Variants in KIF2A observed in about 807,000 individuals in gnomAD.
The protein encoded by KIF2A is kinesin-like protein KIF2A.
In KIF2A, 22 loss-of-function variants were observed where a neutral mutation model predicts 100.2. The observed-to-expected ratio is 0.22, with a 90% confidence interval of 0.16 to 0.31. The LOEUF (loss-of-function observed/expected upper bound fraction) is 0.31, where lower values mean the gene tolerates loss of function less well. Among genes scored for constraint, KIF2A ranks in the 10% least tolerant of loss-of-function variants. The probability of loss-of-function intolerance (pLI) is 1.00; values close to 1 mark genes in which losing one functional copy is unlikely to be tolerated. For missense variants in KIF2A, 495 were observed against 898.7 expected (o/e 0.55, Z 5.74); for synonymous variants, 268 against 285.9 (o/e 0.94, Z 0.63).
chr5:62,355,274 A>T lies in KIF2A; in HGVS notation c.654+20A>T, dbSNP rs1056247264. 2 of 1,223,366 alleles carry T rather than the reference A, an allele frequency of 1.6e-6. No homozygotes were observed. The highest frequency in any genetic ancestry group is 3.8e-5 in the Admixed American group (2 of 52,368). The allele number at this position is 1,223,366 out of a possible 1,614,324, so 75.8% of individuals were successfully genotyped here. On this transcript the variant is annotated intron_variant, in intron 7 of 20. Transcript: ENST00000407818. The stretch of plus-strand genomic sequence containing the variant: ...GATCCTGTAAGATTCTTTGTAAACC[A>T]TTATTCTGGAACTTTTTATGCTTCA...
At chr5:62,326,228 A>G (rs181352009) in intron 1 of KIF2A, among the ~76,000 whole-genome samples, 3 of 152,308 alleles carry the variant, frequency 2.0e-5, no homozygotes, top group Admixed American at 6.5e-5. Context: ...TAAACTTACC[A>G]AAAACAGAAT....
chr5:62,317,895 CTT>C (rs935526869), intron 1 of KIF2A, among the ~76,000 whole-genome samples: 5 of 151,834 alleles, frequency 3.3e-5, no homozygotes, highest in African/African-American at 1.2e-4. Flanking sequence ...TCTCCAGTCT[CTT>C]TTGCTATTGC....
chr5:62,318,693 C>G (rs1745954387), intron 1 of KIF2A, among the ~76,000 whole-genome samples: 1 of 152,092 alleles, frequency 6.6e-6, no homozygotes, highest in Non-Finnish European at 1.5e-5. Context: ...TCCCCATTCT[C>G]TTTAAGTATT....
intron 1 of KIF2A, among the ~76,000 whole-genome samples, chr5:62,339,842 A>T (rs1747193196): frequency 6.6e-6 from 1 of 151,216 alleles, no homozygotes; most frequent in Admixed American, 6.6e-5. Flanking sequence ...AACTGTTTAG[A>T]TTTCTGTGTG....
rs1742175465 is a variant in KIF2A, at chr5:62,389,167, ACCCAC to A, written c.*3599_*3603del. 1.2e-6 allele frequency: 1 copy of A among 862,672 alleles called. No homozygotes were observed. Among genetic ancestry groups the A allele is most frequent in the Admixed American group, 2.8e-5 (1 of 35,432 alleles). 53.4% of individuals were successfully genotyped at this position (862,672 alleles called of 1,614,324 possible). On this transcript the variant is annotated 3_prime_UTR_variant, in exon 21 of 21. Transcript: ENST00000407818. ...TGAATACAGCATGCTTACAGAGCCC[ACCCAC>A]TCCTAATACTAGTTATTAAAGAAAC... is the stretch of plus-strand genomic sequence containing the variant.
intron 17 of KIF2A, among the ~76,000 whole-genome samples, chr5:62,373,383 A>T (rs1169519825): frequency 3.3e-5 from 5 of 151,746 alleles, no homozygotes; most frequent in Non-Finnish European, 5.9e-5. Flanking sequence ...AATTTAAAAA[A>T]TTTTTTAAAT....
At chr5:62,333,905 G>T (rs1238997433) in intron 1 of KIF2A, among the ~76,000 whole-genome samples, 1 of 152,084 alleles carries the variant, frequency 6.6e-6, no homozygotes, top group African/African-American at 2.4e-5. Flanking sequence ...AACATTTCAG[G>T]TTGGTAAAAT....
chr5:62,362,976 A>G (rs1203678724), intron 12 of KIF2A, among the ~76,000 whole-genome samples: 1 of 152,140 alleles, frequency 6.6e-6, no homozygotes, highest in East Asian at 1.9e-4. Context: ...ATAGGCATGC[A>G]CCACCATGCC....
At position 62,389,705 on chromosome 5, in the gene KIF2A, T is replaced by G. The variant is rs1173358923; in HGVS notation, c.*4136T>G. 6.6e-6 allele frequency among the ~76,000 whole-genome samples: 1 copy of G among 152,100 alleles called. No homozygotes were observed. Among genetic ancestry groups the G allele is most frequent in the Non-Finnish European group, 1.5e-5 (1 of 68,016 alleles). On this transcript the variant is annotated 3_prime_UTR_variant, in exon 21 of 21. Coordinates refer to ENST00000407818, the MANE Select transcript of KIF2A (RefSeq NM_001098511.3). ...CTGTTTGGAATTGGCAGAAGTCAGA[T>G]GAAAAACCAATCTTACATGCCCCTT...
At chr5:62,324,142 G>A (rs1262571785) in intron 1 of KIF2A, among the ~76,000 whole-genome samples, 2 of 152,042 alleles carry the variant, frequency 1.3e-5, no homozygotes, top group African/African-American at 2.4e-5. Context: ...AAATACCTAG[G>A]AATACAGCTA....
At chr5:62,358,972 C>G (rs1034702352) in intron 9 of KIF2A, among the ~76,000 whole-genome samples, 1 of 152,156 alleles carries the variant, frequency 6.6e-6, no homozygotes, top group African/African-American at 2.4e-5. Context: ...TTATGCCTGG[C>G]CAAAATACCT....
chr5:62,306,398 ACCCCGCCCCCT>A lies in KIF2A; in HGVS notation c.-67_-57del. On this transcript the variant is annotated 5_prime_UTR_variant, in exon 1 of 21. Coordinates refer to ENST00000407818, the MANE Select transcript of KIF2A (RefSeq NM_001098511.3). ...GGCAACCGCTCCCCCTCCCACACCT[ACCCCGCCCCCT>A]CCCCGCCTTTTCCGCCCTCCGGTCC... 1 of 751,810 alleles carries A rather than the reference ACCCCGCCCCCT, an allele frequency of 1.3e-6. No homozygotes were observed. Among genetic ancestry groups the A allele is most frequent in the Non-Finnish European group, 2.1e-6 (1 of 475,050 alleles). 46.6% of individuals were successfully genotyped at this position (751,810 alleles called of 1,614,324 possible). A position where few individuals can be genotyped will look rare whatever the true frequency, so the allele number is the denominator to read the frequency against.
intron 1 of KIF2A, among the ~76,000 whole-genome samples, chr5:62,310,459 A>G: frequency 6.6e-6 from 1 of 152,186 alleles, no homozygotes; most frequent in South Asian, 2.1e-4. Flanking sequence ...TTTTGAATAA[A>G]TCATACATTA....
intron 20 of KIF2A, among the ~76,000 whole-genome samples, chr5:62,383,792 A>AT (rs1482022227): frequency 1.3e-5 from 2 of 152,032 alleles, no homozygotes; most frequent in African/African-American, 2.4e-5. Context: ...GCACTCTGGT[A>AT]TTTTTTCTTT....
intron 14 of KIF2A, among the ~76,000 whole-genome samples, chr5:62,364,759 T>C: frequency 6.6e-6 from 1 of 152,250 alleles, no homozygotes; most frequent in East Asian, 1.9e-4. Flanking sequence ...TGTCATTTTT[T>C]ATTTTCTTGA....
intron 18 of KIF2A, among the ~76,000 whole-genome samples, chr5:62,376,334 C>T (rs1741540753): frequency 6.6e-6 from 1 of 152,122 alleles, no homozygotes; most frequent in Non-Finnish European, 1.5e-5. Context: ...ATTATTATTG[C>T]TATATTGTCT....
At chr5:62,366,658 C>T (rs910077622) in intron 16 of KIF2A, among the ~76,000 whole-genome samples, 177 bp downstream of exon 16, 1 of 151,880 alleles carries the variant, frequency 6.6e-6, no homozygotes, top group Non-Finnish European at 1.5e-5. Context: ...GGTGAAACCC[C>T]GTCTCTACTA....
At chr5:62,354,876 T>G (rs933914471) in intron 6 of KIF2A, among the ~76,000 whole-genome samples, 1 of 152,104 alleles carries the variant, frequency 6.6e-6, no homozygotes, top group Non-Finnish European at 1.5e-5. Context: ...AGATGGATTT[T>G]TGAAATAGGT....
intron 2 of KIF2A, 127 bp downstream of exon 2, chr5:62,347,351 C>G: frequency 1.7e-6 from 1 of 591,216 alleles, no homozygotes; most frequent in Non-Finnish European, 3.0e-6. Flanking sequence ...TGAAAACTTT[C>G]AAATGATTAA....
Sources: allele counts gnomAD v4.1 joint callset (sites outside exome capture counted in the v4.1 genomes callset), GRCh38; gene constraint gnomAD v4.1.1; transcripts MANE v1.5; gene names NCBI Gene and HGNC (gene_info 2026-07-23, HGNC 2026-07-21).